Variants in PCSK5 observed in about 807,000 individuals in gnomAD.
PCSK5 encodes proprotein convertase subtilisin/kexin type 5.
A neutral mutation model predicts 233.2 loss-of-function variants in PCSK5; 129 were observed. The observed-to-expected ratio is 0.55, with a 90% CI of 0.48 to 0.64. PCSK5 has a LOEUF of 0.64. Ranked by LOEUF, PCSK5 falls within the 30% of genes least tolerant of loss-of-function variation. The pLI, the probability that PCSK5 is intolerant of heterozygous loss-of-function variation, is 0.00. For missense variants in PCSK5, 2,076 were observed against 2,430.1 expected, an observed-to-expected ratio of 0.85 and a Z score of 3.06; for synonymous variants, 825 against 879.2, an observed-to-expected ratio of 0.94 and a Z score of 1.09.
intron 37 of PCSK5, among the ~76,000 whole-genome samples, chr9:76,355,211 G>A (rs148864186): frequency 0.014 from 2,189 of 152,264 alleles, 46 homozygotes; most frequent in African/African-American, 0.047. Context: ...GGTGGCTCAC[G>A]CCTGTAATCT....
intron 8 of PCSK5, among the ~76,000 whole-genome samples, chr9:76,104,591 A>G (rs1056071785): frequency 6.6e-6 from 1 of 152,242 alleles, no homozygotes; most frequent in African/African-American, 2.4e-5. Flanking sequence ...GCATATTACT[A>G]TTGCAAATGC....
intron 24 of PCSK5, among the ~76,000 whole-genome samples, chr9:76,262,740 C>T (rs1587815780): frequency 6.6e-6 from 1 of 150,756 alleles, no homozygotes; most frequent in African/African-American, 2.4e-5. Context: ...GTCTAAAACA[C>T]CAAAAGCAAT....
intron 3 of PCSK5, among the ~76,000 whole-genome samples, chr9:76,006,666 T>C (rs1827490737): frequency 6.6e-6 from 1 of 152,202 alleles, no homozygotes; most frequent in Non-Finnish European, 1.5e-5. Flanking sequence ...GCTTTTATCT[T>C]AGATTTGCAA....
chr9:76,282,395 C>G (rs1434571104), intron 24 of PCSK5, among the ~76,000 whole-genome samples: 2 of 142,134 alleles, frequency 1.4e-5, no homozygotes, highest in African/African-American at 5.3e-5. Flanking sequence ...TCTTGACTCA[C>G]TGCAGCCTTG....
intron 9 of PCSK5, among the ~76,000 whole-genome samples, chr9:76,122,468 G>A (rs1033509401): frequency 6.6e-6 from 1 of 152,084 alleles, no homozygotes; most frequent in Non-Finnish European, 1.5e-5. Context: ...GTACTGTTAA[G>A]TGTTAAACAA....
intron 36 of PCSK5, among the ~76,000 whole-genome samples, chr9:76,351,204 C>G (rs1010705177): frequency 1.8e-4 from 27 of 151,974 alleles, no homozygotes; most frequent in African/African-American, 6.5e-4. Flanking sequence ...ATTTGTTATT[C>G]ATCACCATAG....
At chr9:76,064,193 C>A (rs1830164997) in intron 5 of PCSK5, among the ~76,000 whole-genome samples, 1 of 122,004 alleles carries the variant, frequency 8.2e-6, no homozygotes, top group South Asian at 2.7e-4. Flanking sequence ...GCTGACCCCC[C>A]CACCTCCCTC....
intron 12 of PCSK5, among the ~76,000 whole-genome samples, chr9:76,168,143 C>A (rs1441321993): frequency 6.6e-6 from 1 of 152,042 alleles, no homozygotes; most frequent in Admixed American, 6.6e-5. Context: ...TGCTATATAC[C>A]TGCATAAGTG....
intron 1 of PCSK5, among the ~76,000 whole-genome samples, chr9:75,909,438 G>A (rs920169746): frequency 1.3e-5 from 2 of 151,920 alleles, no homozygotes; most frequent in Non-Finnish European, 2.9e-5. Flanking sequence ...GCTCACGCCT[G>A]TAATCCCAGC....
At chr9:75,939,139 TGTG>T (rs1824188666) in intron 2 of PCSK5, among the ~76,000 whole-genome samples, 1 of 152,202 alleles carries the variant, frequency 6.6e-6, no homozygotes, top group African/African-American at 2.4e-5. Flanking sequence ...AAGAAAATGA[TGTG>T]GTCAGTTTGG....
chr9:75,899,129 A>T (rs1825922403), intron 1 of PCSK5, among the ~76,000 whole-genome samples: 1 of 152,162 alleles, frequency 6.6e-6, no homozygotes, highest in Admixed American at 6.5e-5. Flanking sequence ...GAAGTAGGGG[A>T]TGAGGAGGAG....
intron 20 of PCSK5, among the ~76,000 whole-genome samples, chr9:76,220,587 C>G (rs937970034): frequency 1.3e-5 from 2 of 150,900 alleles, no homozygotes; most frequent in Admixed American, 6.6e-5. Context: ...CCCCCAAACC[C>G]CACCCTTTGG....
intron 3 of PCSK5, among the ~76,000 whole-genome samples, chr9:76,021,354 T>G (rs975070403): frequency 6.8e-5 from 6 of 88,756 alleles, no homozygotes; most frequent in South Asian, 2.9e-4. Flanking sequence ...AGAAAGTGTG[T>G]GTGTGGGTGT....
chr9:76,012,177 A>G (rs1250534647), intron 3 of PCSK5, among the ~76,000 whole-genome samples: 2 of 152,242 alleles, frequency 1.3e-5, no homozygotes, highest in Non-Finnish European at 2.9e-5. Context: ...CAGATGTAGT[A>G]TAACTGTAAT....
At chr9:76,117,516 G>A (rs998596615) in intron 9 of PCSK5, among the ~76,000 whole-genome samples, 2 of 152,098 alleles carry the variant, frequency 1.3e-5, no homozygotes, top group Non-Finnish European at 2.9e-5. Flanking sequence ...CTTGGTTTTT[G>A]TGAGTTTTTA....
At chr9:76,349,898 G>A (rs909140645) in intron 35 of PCSK5, among the ~76,000 whole-genome samples, 1 of 152,134 alleles carries the variant, frequency 6.6e-6, no homozygotes, top group Non-Finnish European at 1.5e-5. Flanking sequence ...GGAGATAAGA[G>A]TACTGTCTCC....
At chr9:76,227,467 T>C in intron 20 of PCSK5, 36 bp from the exon 21 acceptor site, 1 of 1,468,570 alleles carries the variant, frequency 6.8e-7, no homozygotes, top group Non-Finnish European at 9.4e-7. Flanking sequence ...GCTTGCCATG[T>C]AGAAATGAAA....
chr9:76,097,403 G>C lies in PCSK5; in HGVS notation c.1107+1301G>C, dbSNP rs967797223. On this transcript the variant is annotated intron_variant, in intron 8 of 37. Transcript: ENST00000674117. ...GCCTCCCGAGTAGCTGGGACTACAG[G>C]CGCCCGCCACCGCGCCCGGCTAATT... Among the ~76,000 whole-genome samples the C allele has an allele frequency of 2.4e-4, 36 of 151,796 alleles. 1 individual carries two copies. Among genetic ancestry groups the C allele is most frequent in the Admixed American group, 5.9e-4 (9 of 15,248 alleles).
intron 9 of PCSK5, among the ~76,000 whole-genome samples, chr9:76,109,189 T>C (rs533256230): frequency 1.4e-4 from 22 of 152,368 alleles, no homozygotes; most frequent in Non-Finnish European, 2.6e-4. Context: ...TCTGTGTTTT[T>C]AATTTGGTGA....
Sources: gnomAD v4.1 joint callset for allele counts (sites outside exome capture counted in the v4.1 genomes callset) on GRCh38, gnomAD v4.1.1 for gene constraint, MANE v1.5 for transcripts, NCBI Gene and HGNC (gene_info 2026-07-23, HGNC 2026-07-21) for gene names.